Variants in OGFOD3 observed in about 807,000 individuals in gnomAD.
OGFOD3 encodes the protein 2-oxoglutarate and iron-dependent oxygenase domain-containing protein 3.
Under a neutral mutation model 39.8 loss-of-function variants are expected in OGFOD3, and 35 were observed. The observed-to-expected ratio is 0.88, with a 90% confidence interval of 0.67 to 1.17. The LOEUF (loss-of-function observed/expected upper bound fraction) is 1.17, where lower values mean the gene tolerates loss of function less well. Ranked by LOEUF, OGFOD3 falls within the 50% of genes most tolerant of loss-of-function variation. The pLI, the probability that OGFOD3 is intolerant of heterozygous loss-of-function variation, is 0.00. For missense variants in OGFOD3, 438 were observed against 454.5 expected, an observed-to-expected ratio of 0.96 and a Z score of 0.33; for synonymous variants, 200 against 192.0, an observed-to-expected ratio of 1.04 and a Z score of -0.34.
At chr17:82,395,587 C>T (rs921777503) in intron 8 of OGFOD3, among the ~76,000 whole-genome samples, 6 of 151,978 alleles carry the variant, frequency 3.9e-5, no homozygotes, top group African/African-American at 7.3e-5. Flanking sequence ...TTTGGGAGGC[C>T]GAGGCGGGTG....
At chr17:82,407,242 G>T (rs1165027164) in intron 4 of OGFOD3, among the ~76,000 whole-genome samples, 2 of 151,014 alleles carry the variant, frequency 1.3e-5, no homozygotes, top group Non-Finnish European at 2.9e-5. Context: ...TCCAGCCTGG[G>T]CTACAAGAGC....
At chr17:82,412,389 GGC>G (rs2052963240) in intron 2 of OGFOD3, among the ~76,000 whole-genome samples, 2 of 132,596 alleles carry the variant, frequency 1.5e-5, no homozygotes, top group African/African-American at 5.7e-5. Context: ...TCGGGGCAGG[GGC>G]ATGGTTATCG....
rs747240090 is a variant in OGFOD3, at chr17:82,403,970, C to T, written c.666G>A (p.Ala222=). 3.2e-5 allele frequency: 52 copies of T among 1,608,172 alleles called. No individual in the cohort carries two copies. The South Asian group carries it at 5.6e-4, about 17-fold the overall frequency. Residue 222 remains alanine, a synonymous_variant, in exon 7 of 9, where the codon GCG becomes GCA. Transcript: ENST00000313056. ...CGTGCGCATGCCAGTACTCGTCGTGCGCCGTCCGCGCTTCCGTGCTGTTTA... is the reference window on the plus strand; with the variant it reads ...CGTGCGCATGCCAGTACTCGTCGTGTGCCGTCCGCGCTTCCGTGCTGTTTA... ...SRINSTEART[A]HDEYWHAHVD...
chr17:82,401,144 C>CTT (rs10711493), intron 7 of OGFOD3: 3,005 of 131,086 alleles, frequency 0.023, 58 homozygotes, highest in Admixed American at 0.027. Context: ...TTGGGTTTAC[C>CTT]TTTTTTTTTT....
chr17:82,409,508 G>C (rs942455380), intron 3 of OGFOD3, 98 bp from the exon 4 acceptor site: 2 of 1,075,998 alleles, frequency 1.9e-6, no homozygotes, highest in Admixed American at 3.8e-5. Flanking sequence ...AACATTAGTG[G>C]GTCCTGCGTG....
chr17:82,408,370 C>A (rs2052888656), intron 4 of OGFOD3, among the ~76,000 whole-genome samples: 1 of 152,188 alleles, frequency 6.6e-6, no homozygotes, highest in Admixed American at 6.5e-5. Flanking sequence ...CAATTCCACA[C>A]ACCGAGCAAG....
At chr17:82,396,011 A>C (rs1318615991) in intron 8 of OGFOD3, among the ~76,000 whole-genome samples, 2 of 152,144 alleles carry the variant, frequency 1.3e-5, no homozygotes, top group African/African-American at 4.8e-5. Flanking sequence ...ATAGATACAC[A>C]CAATTAGATG....
chr17:82,399,856 C>G (rs2052734675), intron 7 of OGFOD3, among the ~76,000 whole-genome samples: 1 of 152,186 alleles, frequency 6.6e-6, no homozygotes, highest in Non-Finnish European at 1.5e-5. Flanking sequence ...CGCATCTCAC[C>G]CAGCTCAGCT....
rs12602689 is a variant in OGFOD3 at position 82,395,886 on chromosome 17, C to G, written c.823+2310G>C. 4.0e-4 allele frequency among the ~76,000 whole-genome samples: 61 copies of G among 151,384 alleles called. No individual in the cohort carries two copies. In the East Asian group the frequency reaches 0.012, roughly 29 times the overall value. On this transcript the variant is annotated intron_variant, in intron 8 of 8. Coordinates refer to ENST00000313056, the MANE Select transcript of OGFOD3 (RefSeq NM_024648.3). The stretch of plus-strand genomic sequence containing the variant: ...AGATACACACAATTAGACAGATGTA[C>G]AACATCAAATCACAGGTAAACACAT...
At chr17:82,418,299 C>CA (rs1188980848) in intron 1 of OGFOD3, 113 bp downstream of exon 1, 1 of 145,934 alleles carries the variant, frequency 6.9e-6, no homozygotes, top group East Asian at 2.7e-4. Context: ...CACCTGCCCC[C>CA]CCCCACCCCC....
intron 4 of OGFOD3, among the ~76,000 whole-genome samples, chr17:82,407,569 G>T (rs984094448): frequency 6.6e-6 from 1 of 152,148 alleles, no homozygotes; most frequent in Non-Finnish European, 1.5e-5. Flanking sequence ...CCTTCCCTAC[G>T]TCCTCAGAGG....
chr17:82,398,181 G>C lies in OGFOD3; in HGVS notation c.823+15C>G. ...GCCAGGAGCCCCACGCCCAGGCCCCGCCCGCGCCTCCTACCAGCTCTCGGC... is the reference window on the plus strand; with the variant it reads ...GCCAGGAGCCCCACGCCCAGGCCCCCCCCGCGCCTCCTACCAGCTCTCGGC... On this transcript the variant is annotated intron_variant, in intron 8 of 8. Transcript: ENST00000313056. The C allele has an allele frequency of 1.2e-6, 2 of 1,613,676 alleles. No homozygotes were observed. The highest frequency in any genetic ancestry group is 1.7e-6 in the Non-Finnish European group (2 of 1,179,806).
chr17:82,404,367 T>A lies in OGFOD3; in HGVS notation c.546-277A>T, dbSNP rs1599695003. On this transcript the variant is annotated intron_variant, in intron 6 of 8. Transcript: ENST00000313056. This position sits in a 1 kb window ranked among gnomAD's most constrained non-coding sequence, Gnocchi z 4.5. The stretch of plus-strand genomic sequence containing the variant: ...AGGACCAACGCTGGGGAGGCTGGTG[T>A]GGAGTCAGGCCCCAGATGCCAGAGC... Among the ~76,000 whole-genome samples, 1 of 152,188 alleles carries A rather than the reference T, an allele frequency of 6.6e-6. No individual in the cohort carries two copies. The highest frequency in any genetic ancestry group is 1.5e-5 in the Non-Finnish European group (1 of 68,006).
intron 2 of OGFOD3, among the ~76,000 whole-genome samples, chr17:82,412,691 G>A (rs1423853555): frequency 3.3e-5 from 5 of 152,108 alleles, no homozygotes; most frequent in African/African-American, 7.2e-5. Context: ...GCAGAGTGTC[G>A]GAGAGGGGCC....
Position 82,409,410 on chromosome 17 carries a change from G to C in OGFOD3, c.381C>G (p.Ser127Arg), listed in dbSNP as rs143458096. The change falls in exon 4 of 9, where the codon AGC becomes AGG. Residue 127 changes from serine to arginine, a missense_variant and splice_region_variant. Coordinates refer to ENST00000313056, the MANE Select transcript of OGFOD3 (RefSeq NM_024648.3). ...CCAGGGAGAGCCCCTTTTCAGCTAC[G>C]CTGCAGGGAGAAAATAATTCAGAAT... The part of the protein sequence containing the change: ...ITREEAERIR[S>R]VAEKGLSLGG... 5 of 1,613,794 alleles carry C rather than the reference G, an allele frequency of 3.1e-6. No homozygotes were observed. The South Asian group carries it at 5.5e-5, about 18-fold the overall frequency.
chr17:82,393,397 G>A (rs1372667662), intron 8 of OGFOD3: 2 of 152,242 alleles, frequency 1.3e-5, no homozygotes, highest in East Asian at 1.9e-4. Flanking sequence ...AGTCCATCCC[G>A]GGTGTGCAGG....
rs966414355 is a variant in OGFOD3, at chr17:82,390,409, C to T, written c.*1989G>A. Reference sequence around the variant, plus strand: ...CCACCAGCCCGACCCGGAGAGTGTCCGTGAAGCAGCCGGCCCCGCAAGGAC... The same window carrying T: ...CCACCAGCCCGACCCGGAGAGTGTCTGTGAAGCAGCCGGCCCCGCAAGGAC... On this transcript the variant is annotated 3_prime_UTR_variant, in exon 9 of 9. Transcript: ENST00000313056. This position sits in a 1 kb window ranked among gnomAD's most constrained non-coding sequence, Gnocchi z 4.9. The T allele has an allele frequency of 6.6e-6, 1 of 152,358 alleles. No homozygotes were observed. The highest frequency in any genetic ancestry group is 1.9e-4 in the East Asian group (1 of 5,200). 9.4% of individuals were successfully genotyped at this position (152,358 alleles called of 1,614,324 possible). A position where few individuals can be genotyped will look rare whatever the true frequency, so the allele number is the denominator to read the frequency against.
chr17:82,415,011 G>C lies in OGFOD3; in HGVS notation c.304+387C>G, dbSNP rs8067613. 0.021 allele frequency among the ~76,000 whole-genome samples: 3,273 copies of C among 152,244 alleles called. 126 individuals are homozygous for C. The highest frequency in any genetic ancestry group is 0.075 in the African/African-American group (3,112 of 41,514). On this transcript the variant is annotated intron_variant, in intron 2 of 8. Coordinates refer to ENST00000313056, the MANE Select transcript of OGFOD3 (RefSeq NM_024648.3). The surrounding 1 kb of genome is among the most constrained non-coding windows in gnomAD (Gnocchi z 5.3). ...TCTCAGGCCCAGGCAGAACGGGAGCGGGGGAGGGGAGCTGGGGCACAGGAC... is the reference window on the plus strand; with the variant it reads ...TCTCAGGCCCAGGCAGAACGGGAGCCGGGGAGGGGAGCTGGGGCACAGGAC...
chr17:82,413,343 T>C lies in OGFOD3; in HGVS notation c.305-1813A>G, dbSNP rs532864797. Among the ~76,000 whole-genome samples, 18 of 152,210 alleles carry C rather than the reference T, an allele frequency of 1.2e-4. No individual in the cohort carries two copies. The South Asian group carries it at 3.5e-3, about 30-fold the overall frequency. ...GCAGACAGCAGACAGCATCGCCCCATGACACACGTGGCAACCAAAGCACAG... is the reference window on the plus strand; with the variant it reads ...GCAGACAGCAGACAGCATCGCCCCACGACACACGTGGCAACCAAAGCACAG... On this transcript the variant is annotated intron_variant, in intron 2 of 8. Coordinates refer to ENST00000313056, the MANE Select transcript of OGFOD3 (RefSeq NM_024648.3).
Sources: gnomAD v4.1 joint callset for allele counts (sites outside exome capture counted in the v4.1 genomes callset) on GRCh38, gnomAD v4.1.1 for gene constraint, Gnocchi (gnomAD v3.1) non-coding constraint, MANE v1.5 for transcripts, NCBI Gene and HGNC (gene_info 2026-07-23, HGNC 2026-07-21) for gene names.